The following CADM2 variants were observed in gnomAD, a reference collection of about 807,000 sequenced individuals.
CADM2 encodes the protein immunoglobulin superfamily member 4D.
In CADM2, 12 loss-of-function variants were observed where a neutral mutation model predicts 49.8. The ratio of observed to expected loss-of-function variants is 0.24; its 90% CI spans 0.15 to 0.39. The LOEUF (loss-of-function observed/expected upper bound fraction) is 0.39, where lower values mean the gene tolerates loss of function less well. Among genes scored for constraint, CADM2 ranks in the 10% least tolerant of loss-of-function variants. The pLI is 1.00. For missense variants in CADM2, 378 were observed against 492.3 expected (o/e 0.77, Z 2.20); for synonymous variants, 214 against 175.4 (o/e 1.22, Z -1.74).
intron 6 of CADM2, among the ~76,000 whole-genome samples, chr3:85,934,241 A>T (rs189476684): frequency 6.6e-6 from 1 of 152,124 alleles, no homozygotes; most frequent in Admixed American, 6.6e-5. Flanking sequence ...CCTCAGTTTG[A>T]CCAGAACAGT....
chr3:86,000,093 C>A (rs531287847), intron 8 of CADM2, among the ~76,000 whole-genome samples: 2 of 152,236 alleles, frequency 1.3e-5, no homozygotes, highest in East Asian at 3.9e-4. Flanking sequence ...CACATGGCAT[C>A]ATTCTGTGTT....
chr3:85,295,350 A>C (rs1219521431), intron 1 of CADM2, among the ~76,000 whole-genome samples: 5 of 152,146 alleles, frequency 3.3e-5, no homozygotes, highest in Admixed American at 2.0e-4. Context: ...GTGGGACTGT[A>C]AACTAGTTCA....
chr3:85,505,984 C>T (rs2040334233), intron 1 of CADM2, among the ~76,000 whole-genome samples: 1 of 152,142 alleles, frequency 6.6e-6, no homozygotes, highest in Non-Finnish European at 1.5e-5. Context: ...ACAATTCTTA[C>T]AGTCCTTCTT....
At chr3:85,144,923 C>T (rs1304596064) in intron 1 of CADM2, among the ~76,000 whole-genome samples, 2 of 152,024 alleles carry the variant, frequency 1.3e-5, no homozygotes, top group African/African-American at 2.4e-5. Context: ...TGAAATTTAT[C>T]AATACAAGAT....
intron 1 of CADM2, among the ~76,000 whole-genome samples, chr3:85,638,836 TAA>T (rs956342534): frequency 1.3e-5 from 2 of 152,076 alleles, no homozygotes; most frequent in African/African-American, 2.4e-5. Context: ...AAAAAGTATA[TAA>T]AAAGAGAGAT....
At chr3:85,412,934 G>T (rs2107473710) in intron 1 of CADM2, among the ~76,000 whole-genome samples, 1 of 151,606 alleles carries the variant, frequency 6.6e-6, no homozygotes, top group South Asian at 2.1e-4. Context: ...GAGGTCAGGA[G>T]ATCTAGACCA....
At chr3:85,895,910 A>G (rs1407064070) in intron 5 of CADM2, among the ~76,000 whole-genome samples, 1 of 152,136 alleles carries the variant, frequency 6.6e-6, no homozygotes, top group Non-Finnish European at 1.5e-5. Context: ...GAGTCCATTA[A>G]ACCTCTTTTT....
intron 1 of CADM2, among the ~76,000 whole-genome samples, chr3:85,133,416 T>TTACA (rs1420472594): frequency 1.3e-5 from 2 of 151,934 alleles, no homozygotes; most frequent in Non-Finnish European, 2.9e-5. Flanking sequence ...GATTAACTAG[T>TTACA]TACAGAGTGT....
At chr3:86,051,886 A>G (rs1471048264) in intron 8 of CADM2, among the ~76,000 whole-genome samples, 1 of 152,136 alleles carries the variant, frequency 6.6e-6, no homozygotes, top group East Asian at 1.9e-4. Context: ...ACCTCCTATC[A>G]TGCCCTACCT....
intron 1 of CADM2, among the ~76,000 whole-genome samples, chr3:85,281,020 T>A (rs1384096003): frequency 6.6e-6 from 1 of 151,820 alleles, no homozygotes; most frequent in Non-Finnish European, 1.5e-5. Context: ...TTCAAAGCGA[T>A]CTTAAATAAT....
At chr3:85,422,838 C>G (rs1192698177) in intron 1 of CADM2, among the ~76,000 whole-genome samples, 1 of 151,818 alleles carries the variant, frequency 6.6e-6, no homozygotes, top group Non-Finnish European at 1.5e-5. Context: ...TTTGGGGCTT[C>G]AACCCCACGG....
At chr3:85,060,010 A>G (rs1338802839) in intron 1 of CADM2, among the ~76,000 whole-genome samples, 1 of 152,186 alleles carries the variant, frequency 6.6e-6, no homozygotes. Context: ...ATCTCACCCT[A>G]CTTTAATTTC....
At chr3:86,062,018 G>T (rs1260832313) in intron 8 of CADM2, among the ~76,000 whole-genome samples, 4 of 151,442 alleles carry the variant, frequency 2.6e-5, no homozygotes, top group African/African-American at 7.3e-5. Context: ...CAATTTTTTG[G>T]CAATGTACAT....
chr3:85,628,735 A>G (rs1276281990), intron 1 of CADM2, among the ~76,000 whole-genome samples: 1 of 150,414 alleles, frequency 6.6e-6, no homozygotes, highest in Admixed American at 6.7e-5. Flanking sequence ...TTTATACACT[A>G]TACTCATACA....
At chr3:85,132,718 G>T (rs2039274249) in intron 1 of CADM2, among the ~76,000 whole-genome samples, 1 of 151,946 alleles carries the variant, frequency 6.6e-6, no homozygotes, top group African/African-American at 2.4e-5. Context: ...GTATCATTTA[G>T]ACATGTTCTG....
chr3:85,689,873 A>T (rs918635113), intron 1 of CADM2, among the ~76,000 whole-genome samples: 1 of 152,208 alleles, frequency 6.6e-6, no homozygotes, highest in Non-Finnish European at 1.5e-5. Flanking sequence ...TATGGGTATA[A>T]AGTTTTTTAT....
At chr3:85,471,165 G>T (rs1044332866) in intron 1 of CADM2, among the ~76,000 whole-genome samples, 1 of 152,016 alleles carries the variant, frequency 6.6e-6, no homozygotes. Flanking sequence ...ATGTAGGGGT[G>T]GCTCAGTTTC....
chr3:86,041,968 C>T (rs1214304023), intron 8 of CADM2, among the ~76,000 whole-genome samples: 3 of 152,124 alleles, frequency 2.0e-5, no homozygotes, highest in African/African-American at 7.2e-5. Context: ...CAACCTGCTC[C>T]TGAATGACTA....
intron 1 of CADM2, among the ~76,000 whole-genome samples, chr3:85,577,821 C>A (rs897678685): frequency 2.0e-5 from 3 of 151,784 alleles, no homozygotes; most frequent in Non-Finnish European, 2.9e-5. Flanking sequence ...ATTTTATAAA[C>A]CTTTCTGTGT....
Sources: allele counts gnomAD v4.1 joint callset (sites outside exome capture counted in the v4.1 genomes callset), GRCh38; gene constraint gnomAD v4.1.1; transcripts MANE v1.5; gene names NCBI Gene and HGNC (gene_info 2026-07-23, HGNC 2026-07-21).